ARHGAP6: variants seen among roughly 807,000 people sequenced by gnomAD.
ARHGAP6 encodes Rho GTPase activating protein 6, also known as rho GTPase-activating protein 6.
Under a neutral mutation model 55.7 loss-of-function variants are expected in ARHGAP6, and 16 were observed. The observed-to-expected ratio is 0.29, with a 90% CI of 0.19 to 0.44. The LOEUF is 0.44. ARHGAP6 is among the 20% of genes least tolerant of loss of function. The probability of loss-of-function intolerance (pLI) is 1.00; values close to 1 mark genes in which losing one functional copy is unlikely to be tolerated. For synonymous variants in ARHGAP6, 382 were observed against 360.9 expected, an observed-to-expected ratio of 1.06 and a Z score of -0.66; for missense variants, 698 against 808.9, an observed-to-expected ratio of 0.86 and a Z score of 1.66.
chrX:11,370,660 T>C (rs1303406116), intron 1 of ARHGAP6, among the ~76,000 whole-genome samples: 1 of 112,196 alleles, frequency 8.9e-6, no homozygotes, highest in East Asian at 2.8e-4. Context: ...AAGCTCACTA[T>C]AGACTATAAT....
At chrX:11,594,168 C>T (rs1487076632) in intron 1 of ARHGAP6, among the ~76,000 whole-genome samples, 1 of 111,123 alleles carries the variant, frequency 9.0e-6, no homozygotes, top group Non-Finnish European at 1.9e-5. Flanking sequence ...ACTCTCTATG[C>T]TCTAGTCACC....
chrX:11,332,563 T>C (rs902619616), intron 1 of ARHGAP6, among the ~76,000 whole-genome samples: 5 of 111,955 alleles, frequency 4.5e-5, no homozygotes, highest in Non-Finnish European at 7.5e-5. Context: ...ATGGTTTGAC[T>C]CAAGTTCATG....
chrX:11,276,270 A>C (rs2047764603), intron 1 of ARHGAP6, among the ~76,000 whole-genome samples: 1 of 111,852 alleles, frequency 8.9e-6, no homozygotes, highest in East Asian at 2.8e-4. Flanking sequence ...AACATTGGAA[A>C]GCTATTTGAT....
chrX:11,521,984 C>G (rs757832146), intron 1 of ARHGAP6, among the ~76,000 whole-genome samples: 2 of 111,277 alleles, frequency 1.8e-5, no homozygotes, highest in East Asian at 5.6e-4. Flanking sequence ...TATAAGAATG[C>G]TTGTGATTTT....
intron 1 of ARHGAP6, among the ~76,000 whole-genome samples, chrX:11,638,597 C>T: frequency 9.0e-6 from 1 of 111,275 alleles, no homozygotes; most frequent in Middle Eastern, 4.6e-3. Context: ...AGTCAACAAG[C>T]ATACAGAGAA....
chrX:11,275,114 T>C (rs925051436), intron 1 of ARHGAP6, among the ~76,000 whole-genome samples: 1 of 111,977 alleles, frequency 8.9e-6, no homozygotes, highest in African/African-American at 3.2e-5. Context: ...AATTAAAAAC[T>C]ACAAACATTA....
intron 1 of ARHGAP6, among the ~76,000 whole-genome samples, chrX:11,479,047 T>C (rs1041991792): frequency 8.9e-6 from 1 of 112,345 alleles, no homozygotes; most frequent in Non-Finnish European, 1.9e-5. Context: ...AATCTGGCCA[T>C]GACAGATGTT....
Position 11,311,654 on chromosome X carries a change from C to T in ARHGAP6, c.589-56947G>A, listed in dbSNP as rs577558882. Among the ~76,000 whole-genome samples the T allele has an allele frequency of 4.0e-3, 442 of 111,530 alleles. 1 individual carries two copies. Among genetic ancestry groups the T allele is most frequent in the Middle Eastern group, 0.014 (3 of 215 alleles). ...GATGCCATTGCCTTCTGAAAAATGT[C>T]GATCAAAGTGTGGAGGAGAAGGCTT... On this transcript the variant is annotated intron_variant, in intron 1 of 12. Transcript: ENST00000337414.
At chrX:11,425,503 A>C (rs1272446228) in intron 1 of ARHGAP6, among the ~76,000 whole-genome samples, 1 of 112,287 alleles carries the variant, frequency 8.9e-6, no homozygotes, top group Non-Finnish European at 1.9e-5. Context: ...AAGTATGCAT[A>C]GGAAACTTCA....
At chrX:11,609,232 C>G (rs1196839671) in intron 1 of ARHGAP6, among the ~76,000 whole-genome samples, 1 of 111,209 alleles carries the variant, frequency 9.0e-6, no homozygotes, top group African/African-American at 3.3e-5. Flanking sequence ...AGGGAGTTTA[C>G]ATAGGAAGTG....
At chrX:11,153,396 G>A (rs2045815662) in intron 10 of ARHGAP6, among the ~76,000 whole-genome samples, 1 of 108,482 alleles carries the variant, frequency 9.2e-6, no homozygotes, top group Non-Finnish European at 1.9e-5. Flanking sequence ...GTGGTGGCAT[G>A]CACCTGTAAT....
intron 9 of ARHGAP6, among the ~76,000 whole-genome samples, chrX:11,163,117 T>C (rs1311418096): frequency 8.9e-6 from 1 of 112,149 alleles, no homozygotes; most frequent in Non-Finnish European, 1.9e-5. Context: ...TTTCTAAGGG[T>C]ACCATTTATG....
chrX:11,211,423 G>A (rs910292532), intron 2 of ARHGAP6, among the ~76,000 whole-genome samples: 1 of 109,492 alleles, frequency 9.1e-6, no homozygotes, highest in African/African-American at 3.3e-5. Context: ...GTAGAGACGG[G>A]GTTTCACCGT....
At chrX:11,275,813 C>G (rs1437614504) in intron 1 of ARHGAP6, among the ~76,000 whole-genome samples, 1 of 111,528 alleles carries the variant, frequency 9.0e-6, no homozygotes, top group African/African-American at 3.3e-5. Context: ...GGGGTGCTCT[C>G]AGCCCAAATG....
intron 1 of ARHGAP6, among the ~76,000 whole-genome samples, chrX:11,259,977 G>A (rs1335631222): frequency 9.0e-6 from 1 of 111,630 alleles, no homozygotes; most frequent in Non-Finnish European, 1.9e-5. Context: ...TCAGATTATT[G>A]AGATGGGGAG....
intron 1 of ARHGAP6, among the ~76,000 whole-genome samples, chrX:11,659,724 G>C (rs1468093210): frequency 9.0e-6 from 1 of 111,595 alleles, no homozygotes; most frequent in African/African-American, 3.3e-5. Flanking sequence ...GAGTGGATGA[G>C]ATGCAACTTG....
intron 1 of ARHGAP6, among the ~76,000 whole-genome samples, chrX:11,364,899 G>A (rs1425199688): frequency 9.1e-6 from 1 of 110,283 alleles, no homozygotes; most frequent in East Asian, 2.9e-4. Context: ...TAGGAGCCCT[G>A]GACAACTTCA....
At chrX:11,174,573 C>CTTTCTTTCT (rs1555964685) in intron 8 of ARHGAP6, among the ~76,000 whole-genome samples, 9 of 42,288 alleles carry the variant, frequency 2.1e-4, no homozygotes, top group African/African-American at 8.7e-4. Flanking sequence ...TTCCTTCCTT[C>CTTTCTTTCT]CTTTCTTTCT....
chrX:11,558,315 G>A (rs992383654), intron 1 of ARHGAP6, among the ~76,000 whole-genome samples: 20 of 111,672 alleles, frequency 1.8e-4, no homozygotes, highest in African/African-American at 6.5e-4. Context: ...AAATGATGTC[G>A]GAGGATTGTC....
Sources: allele counts gnomAD v4.1 joint callset (sites outside exome capture counted in the v4.1 genomes callset), GRCh38; gene constraint gnomAD v4.1.1; transcripts MANE v1.5; gene names NCBI Gene and HGNC (gene_info 2026-07-23, HGNC 2026-07-21).